Variants in RABGAP1L observed in about 807,000 individuals in gnomAD.
RABGAP1L encodes the protein RAB GTPase activating protein 1 like, also known as rab GTPase-activating protein 1-like.
RABGAP1L carries 63 observed loss-of-function variants against 137.7 expected under a neutral mutation model. That is an observed-to-expected ratio of 0.46 (90% confidence interval 0.37 to 0.56). The LOEUF is 0.56. Among genes scored for constraint, RABGAP1L ranks in the 20% least tolerant of loss-of-function variants. The probability of loss-of-function intolerance (pLI) is 0.00; values close to 1 mark genes in which losing one functional copy is unlikely to be tolerated. For missense variants in RABGAP1L, 1,095 were observed against 1,244.0 expected (o/e 0.88, Z 1.80); for synonymous variants, 431 against 433.7 (o/e 0.99, Z 0.08).
intron 19 of RABGAP1L, among the ~76,000 whole-genome samples, chr1:174,930,099 T>G (rs555680006): frequency 6.6e-6 from 1 of 151,680 alleles, no homozygotes; most frequent in East Asian, 1.9e-4. Flanking sequence ...TCCACTCACC[T>G]TGTGCTCCCA....
chr1:174,770,635 A>G (rs772157023), intron 18 of RABGAP1L, among the ~76,000 whole-genome samples: 6 of 152,180 alleles, frequency 3.9e-5, no homozygotes, highest in Non-Finnish European at 7.4e-5. Flanking sequence ...TCCTTGTTCT[A>G]TTTTTGTGAG....
At chr1:174,377,916 C>T (rs1187271502) in intron 12 of RABGAP1L, among the ~76,000 whole-genome samples, 1 of 97,028 alleles carries the variant, frequency 1.0e-5, no homozygotes, top group Non-Finnish European at 1.9e-5. Context: ...GGTATATCTC[C>T]CAATGCTATC....
At chr1:174,659,606 C>A (rs980803692) in intron 14 of RABGAP1L, among the ~76,000 whole-genome samples, 23 of 152,286 alleles carry the variant, frequency 1.5e-4, no homozygotes, top group African/African-American at 5.1e-4. Flanking sequence ...GCATTGGTAG[C>A]CTCATTCAGT....
chr1:174,892,388 C>T, intron 19 of RABGAP1L: 1 of 373,704 alleles, frequency 2.7e-6, no homozygotes, highest in Admixed American at 3.7e-5. Flanking sequence ...CTATTTCCAG[C>T]TCCACCACTA....
intron 19 of RABGAP1L, among the ~76,000 whole-genome samples, chr1:174,816,000 T>G (rs1207115721): frequency 6.6e-6 from 1 of 152,180 alleles, no homozygotes; most frequent in African/African-American, 2.4e-5. Context: ...TATCATACTT[T>G]GATTTTTGCC....
chr1:174,838,318 C>T (rs1692970348), intron 19 of RABGAP1L, among the ~76,000 whole-genome samples: 1 of 152,060 alleles, frequency 6.6e-6, no homozygotes. Context: ...TTTCTGTATA[C>T]CCAGAGTCCT....
chr1:174,176,192 G>A (rs1011561363), intron 1 of RABGAP1L, among the ~76,000 whole-genome samples: 1 of 152,150 alleles, frequency 6.6e-6, no homozygotes, highest in Admixed American at 6.5e-5. Flanking sequence ...TATCACACCA[G>A]AATTCTACAG....
At position 174,316,827 on chromosome 1, in the gene RABGAP1L, A is replaced by C. The variant is rs186052420; in HGVS notation, c.1465+11700A>C. Among the ~76,000 whole-genome samples the C allele has an allele frequency of 3.3e-5, 5 of 152,232 alleles. No individual in the cohort carries two copies. In the East Asian group the frequency reaches 7.8e-4, roughly 24 times the overall value. ...TTAGAATTCTACCTGTTGTTCTGTC[A>C]TACTGCCCCTGAGCTGGCAGTTGAA... On this transcript the variant is annotated intron_variant, in intron 11 of 25. Coordinates refer to ENST00000681986, the MANE Select transcript of RABGAP1L (RefSeq NM_001366446.1).
At chr1:174,788,856 C>T (rs185076964) in intron 18 of RABGAP1L, among the ~76,000 whole-genome samples, 16 of 152,202 alleles carry the variant, frequency 1.1e-4, no homozygotes, top group African/African-American at 2.9e-4. Context: ...GAATCACAGG[C>T]GTGCACCACC....
At chr1:174,773,566 A>T (rs1686293907) in intron 18 of RABGAP1L, among the ~76,000 whole-genome samples, 1 of 152,218 alleles carries the variant, frequency 6.6e-6, no homozygotes, top group African/African-American at 2.4e-5. Flanking sequence ...GTATGTTCAA[A>T]GATAGTTGTC....
intron 1 of RABGAP1L, among the ~76,000 whole-genome samples, chr1:174,200,738 C>T (rs922413636): frequency 7.9e-5 from 12 of 152,114 alleles, no homozygotes; most frequent in Non-Finnish European, 1.3e-4. Flanking sequence ...TCACGTTGAA[C>T]CTTGTTTTTC....
intron 18 of RABGAP1L, among the ~76,000 whole-genome samples, chr1:174,772,642 T>C (rs1369012070): frequency 4.0e-5 from 6 of 150,066 alleles, no homozygotes; most frequent in Admixed American, 2.7e-4. Flanking sequence ...ATTAGGTAAA[T>C]TGACATTGTT....
chr1:174,389,923 G>T (rs1022915306), intron 12 of RABGAP1L, among the ~76,000 whole-genome samples: 2 of 152,104 alleles, frequency 1.3e-5, no homozygotes, highest in African/African-American at 4.8e-5. Flanking sequence ...GTAGAGTTCA[G>T]CATGTATCAT....
At chr1:174,210,133 G>T (rs1316169598) in intron 1 of RABGAP1L, among the ~76,000 whole-genome samples, 2 of 152,040 alleles carry the variant, frequency 1.3e-5, no homozygotes, top group Non-Finnish European at 2.9e-5. Context: ...AAGAAGATGG[G>T]TACAAACAAG....
At chr1:174,609,756 G>A (rs1671051332) in intron 13 of RABGAP1L, among the ~76,000 whole-genome samples, 1 of 152,152 alleles carries the variant, frequency 6.6e-6, no homozygotes, top group South Asian at 2.1e-4. Flanking sequence ...CCTTAATTAT[G>A]TAATTCATCT....
At chr1:174,585,993 A>T (rs1669083174) in intron 13 of RABGAP1L, among the ~76,000 whole-genome samples, 1 of 152,110 alleles carries the variant, frequency 6.6e-6, no homozygotes, top group Non-Finnish European at 1.5e-5. Context: ...AGAAATGGAA[A>T]TTCCATTTAA....
chr1:174,979,008 A>G, intron 23 of RABGAP1L, 118 bp downstream of exon 23: 1 of 1,290,564 alleles, frequency 7.7e-7, no homozygotes, highest in Non-Finnish European at 9.9e-7. Flanking sequence ...GCAGGACCCC[A>G]TATCTACAAG....
chr1:174,873,654 G>A (rs1198037582), intron 19 of RABGAP1L, among the ~76,000 whole-genome samples: 1 of 151,580 alleles, frequency 6.6e-6, no homozygotes, highest in Non-Finnish European at 1.5e-5. Context: ...GGGTCTACAG[G>A]CGCGCGCCAC....
intron 11 of RABGAP1L, among the ~76,000 whole-genome samples, chr1:174,343,074 A>G (rs1421862704): frequency 1.3e-5 from 2 of 152,146 alleles, no homozygotes; most frequent in Non-Finnish European, 2.9e-5. Flanking sequence ...ATTGTTTTCC[A>G]AGAGGAATAT....
Sources: gnomAD v4.1 joint callset for allele counts (sites outside exome capture counted in the v4.1 genomes callset) on GRCh38, gnomAD v4.1.1 for gene constraint, MANE v1.5 for transcripts, NCBI Gene and HGNC (gene_info 2026-07-23, HGNC 2026-07-21) for gene names.